Variants in SLAIN1 observed in about 807,000 individuals in gnomAD.
The protein encoded by SLAIN1 is SLAIN motif-containing protein 1.
SLAIN1 carries 17 observed loss-of-function variants against 55.4 expected under a neutral mutation model. The observed-to-expected ratio is 0.31, with a 90% CI of 0.21 to 0.46. The LOEUF is 0.46. SLAIN1 is among the 20% of genes least tolerant of loss of function. SLAIN1 has a pLI of 1.00. For missense variants in SLAIN1, 682 were observed against 785.1 expected (o/e 0.87, Z 1.57); for synonymous variants, 348 against 337.4 (o/e 1.03, Z -0.35).
At chr13:77,748,902 C>A (rs111321632) in intron 4 of SLAIN1, among the ~76,000 whole-genome samples, 1,904 of 152,236 alleles carry the variant, frequency 0.013, 42 homozygotes, top group African/African-American at 0.043. Flanking sequence ...ATCTGGTACA[C>A]ATTTTCTCCA....
chr13:77,751,382 A>G (rs1277501965), intron 4 of SLAIN1, among the ~76,000 whole-genome samples: 1 of 152,146 alleles, frequency 6.6e-6, no homozygotes, highest in Admixed American at 6.5e-5. Context: ...AGGATCAACA[A>G]TGGGTGGGGA....
intron 6 of SLAIN1, among the ~76,000 whole-genome samples, chr13:77,761,918 A>G (rs1039475157): frequency 6.6e-6 from 1 of 152,204 alleles, no homozygotes; most frequent in African/African-American, 2.4e-5. Flanking sequence ...TCTTTCAAGA[A>G]ATTAGGATAT....
chr13:77,698,507 A>G lies in SLAIN1; in HGVS notation c.594A>G (p.Val198=). Residue 198 remains valine (V), a synonymous_variant, in exon 1 of 7, where the codon GTA becomes GTG. Transcript: ENST00000418532. The surrounding 1 kb of genome is among the most constrained non-coding windows in gnomAD (Gnocchi z 4.1). ...DEVELLDLES[V]AAWRDEDDYT... is the part of the protein sequence containing the mutation. ...TGGAATTGCTGGATCTGGAGAGCGTAGCCGCCTGGCGGGACGAGGACGACT... is the reference window on the plus strand; with the variant it reads ...TGGAATTGCTGGATCTGGAGAGCGTGGCCGCCTGGCGGGACGAGGACGACT... 2.1e-6 allele frequency: 3 copies of G among 1,452,090 alleles called. No individual in the cohort carries two copies. Among genetic ancestry groups the G allele is most frequent in the South Asian group, 2.7e-5 (2 of 73,848 alleles). 90.0% of individuals were successfully genotyped at this position (1,452,090 alleles called of 1,614,324 possible).
At position 77,711,976 on chromosome 13, in the gene SLAIN1, T is replaced by C. The variant is rs1045908930; in HGVS notation, c.627-7556T>C. 2.0e-5 allele frequency among the ~76,000 whole-genome samples: 3 copies of C among 151,466 alleles called. No homozygotes were observed. In the South Asian group the frequency reaches 6.2e-4, roughly 31 times the overall value. On this transcript the variant is annotated intron_variant, in intron 1 of 6. Coordinates refer to ENST00000418532, the MANE Select transcript of SLAIN1 (RefSeq NM_001242868.2). The stretch of plus-strand genomic sequence containing the variant: ...AAACAGAACCAATCACAAAACCACA[T>C]AATTAATAGGTGCAGAAAAAGGCAT...
Position 77,741,148 on chromosome 13 carries a change from C to T in SLAIN1, c.767-3135C>T, listed in dbSNP as rs187164629. 2.4e-4 allele frequency: 232 copies of T among 985,296 alleles called. 1 individual carries two copies. In the African/African-American group the frequency reaches 3.9e-3, roughly 16 times the overall value. The allele number at this position is 985,296 out of a possible 1,614,324, so 61.0% of individuals were successfully genotyped here. ...TGCCGCCCGCATCTGTGGGTGAGAA[C>T]ACGCAGTTACTGTAATTTGCCTGGC... is the stretch of plus-strand genomic sequence containing the variant. On this transcript the variant is annotated intron_variant, in intron 2 of 6. Coordinates refer to ENST00000418532, the MANE Select transcript of SLAIN1 (RefSeq NM_001242868.2).
At chr13:77,747,079 T>C (rs972988707) in intron 4 of SLAIN1, among the ~76,000 whole-genome samples, 1 of 151,924 alleles carries the variant, frequency 6.6e-6, no homozygotes, top group Non-Finnish European at 1.5e-5. Flanking sequence ...GCATGTGTCA[T>C]TATGCCTGGC....
Position 77,698,460 on chromosome 13 carries a change from C to T in SLAIN1, c.547C>T (p.Pro183Ser), listed in dbSNP as rs942719032. The T allele has an allele frequency of 3.7e-5, 54 of 1,442,592 alleles. No homozygotes were observed. Among genetic ancestry groups the T allele is most frequent in the Non-Finnish European group, 4.4e-5 (48 of 1,102,990 alleles). 89.4% of individuals were successfully genotyped at this position (1,442,592 alleles called of 1,614,324 possible). ...GGCAGCTGCAGCGCCGCCCTCGCCG[C>T]CCCCCACGCTGCTGGACGAGGTGGA... ...PGAAAAPPSPPPTLLDEVELL... is the reference protein window; with the variant it reads ...PGAAAAPPSPSPTLLDEVELL... The change falls in exon 1 of 7, where the codon CCC (proline) becomes TCC (serine). Residue 183 changes from proline to serine, a missense_variant. Transcript: ENST00000418532. The surrounding 1 kb of genome is among the most constrained non-coding windows in gnomAD (Gnocchi z 4.1).
At chr13:77,741,196 T>C in intron 2 of SLAIN1, 1 of 985,630 alleles carries the variant, frequency 1.0e-6, no homozygotes, top group African/African-American at 1.7e-5. Flanking sequence ...TGGTATAAAA[T>C]AACATCATCT....
intron 2 of SLAIN1, among the ~76,000 whole-genome samples, chr13:77,722,787 C>T (rs2091274086): frequency 6.6e-6 from 1 of 152,176 alleles, no homozygotes; most frequent in African/African-American, 2.4e-5. Context: ...TTGCTCTGTG[C>T]CCAGGCTGGA....
At chr13:77,755,567 T>G (rs547718285) in intron 5 of SLAIN1, among the ~76,000 whole-genome samples, 4 of 152,214 alleles carry the variant, frequency 2.6e-5, no homozygotes, top group African/African-American at 9.6e-5. Context: ...AGGAACCAAG[T>G]TGAAGGAACC....
In SLAIN1 at chr13:77,698,602, C is replaced by CG; in HGVS notation, c.626+68dup. ...CTCGGGGGCTTCGGGCACCGGGGAG[C>CG]GGGGGCGGGGGGCGGACGGGGGTCC... On this transcript the variant is annotated intron_variant, in intron 1 of 6. Transcript: ENST00000418532. This position sits in a 1 kb window ranked among gnomAD's most constrained non-coding sequence, Gnocchi z 4.1. 1 of 1,335,562 alleles carries CG rather than the reference C, an allele frequency of 7.5e-7. No individual in the cohort carries two copies. 82.7% of individuals were successfully genotyped at this position (1,335,562 alleles called of 1,614,324 possible). A position where few individuals can be genotyped will look rare whatever the true frequency, so the allele number is the denominator to read the frequency against.
At chr13:77,747,398 T>C (rs1873912834) in intron 4 of SLAIN1, among the ~76,000 whole-genome samples, 1 of 152,160 alleles carries the variant, frequency 6.6e-6, no homozygotes, top group South Asian at 2.1e-4. Flanking sequence ...AAAACCTTCA[T>C]GACATAGCTG....
At chr13:77,709,710 A>G (rs561404822) in intron 1 of SLAIN1, among the ~76,000 whole-genome samples, 2 of 152,306 alleles carry the variant, frequency 1.3e-5, no homozygotes, top group African/African-American at 4.8e-5. Flanking sequence ...ATGCTGAGAG[A>G]TTTTGTCACC....
chr13:77,760,926 A>G lies in SLAIN1; in HGVS notation c.1513A>G (p.Thr505Ala). 6.2e-7 allele frequency: 1 copy of G among 1,614,132 alleles called. No homozygotes were observed. Among genetic ancestry groups the G allele is most frequent in the Non-Finnish European group, 8.5e-7 (1 of 1,180,012 alleles). The change falls in exon 6 of 7, where the codon ACC becomes GCC. Residue 505 changes from threonine (T) to alanine (A), a missense_variant. By Grantham distance (58) the Thr-to-Ala change is moderately conservative (BLOSUM62 0). Transcript: ENST00000418532. The part of the protein sequence containing the change: ...PLKATAYVSP[T>A]VQGSSNMPLS... ...TAAAGCCACAGCCTATGTGAGTCCA[A>G]CCGTTCAAGGCAGCAGTAACATGCC...
chr13:77,751,950 A>G (rs1172596209), intron 4 of SLAIN1, among the ~76,000 whole-genome samples: 2 of 152,056 alleles, frequency 1.3e-5, no homozygotes, highest in East Asian at 3.9e-4. Flanking sequence ...TCAAGGAAAA[A>G]GTGTCTCATA....
At chr13:77,719,323 A>G (rs972061862) in intron 1 of SLAIN1, among the ~76,000 whole-genome samples, 1 of 151,510 alleles carries the variant, frequency 6.6e-6, no homozygotes, top group East Asian at 1.9e-4. Context: ...AAATTGTTAG[A>G]CCTTTTTTTG....
chr13:77,718,008 T>C (rs918872905), intron 1 of SLAIN1, among the ~76,000 whole-genome samples: 7 of 152,076 alleles, frequency 4.6e-5, no homozygotes, highest in African/African-American at 1.4e-4. Context: ...GTGATAATCT[T>C]GCCATAGTAG....
intron 1 of SLAIN1, among the ~76,000 whole-genome samples, chr13:77,706,758 C>T (rs1192003184): frequency 2.6e-5 from 4 of 152,088 alleles, no homozygotes; most frequent in African/African-American, 7.2e-5. Flanking sequence ...TGAGATCCTG[C>T]GTATTTGAAA....
intron 1 of SLAIN1, among the ~76,000 whole-genome samples, chr13:77,705,157 A>G (rs900865531): frequency 2.0e-5 from 3 of 151,788 alleles, no homozygotes; most frequent in Non-Finnish European, 4.4e-5. Flanking sequence ...TTAGAACCAA[A>G]TATTTTGAGA....
Sources: gnomAD v4.1 joint callset for allele counts (sites outside exome capture counted in the v4.1 genomes callset) on GRCh38, gnomAD v4.1.1 for gene constraint, Gnocchi (gnomAD v3.1) non-coding constraint, MANE v1.5 for transcripts, NCBI Gene and HGNC (gene_info 2026-07-23, HGNC 2026-07-21) for gene names.